Variants in CNOT2 observed in about 807,000 individuals in gnomAD.
The protein encoded by CNOT2 is CC chemokine receptor 4-negative regulator of transcription 2.
CNOT2 carries 7 observed loss-of-function variants against 72.1 expected under a neutral mutation model. That is an observed-to-expected ratio of 0.10 (90% CI 0.06 to 0.18). The LOEUF is 0.18. CNOT2 is among the 10% of genes least tolerant of loss of function. The pLI is 1.00. For missense variants in CNOT2, 345 were observed against 660.3 expected, an observed-to-expected ratio of 0.52 and a Z score of 5.23; for synonymous variants, 196 against 225.6, an observed-to-expected ratio of 0.87 and a Z score of 1.17.
At chr12:70,318,060 CTG>C (rs1015266041) in intron 3 of CNOT2, among the ~76,000 whole-genome samples, 2 of 151,906 alleles carry the variant, frequency 1.3e-5, no homozygotes, top group African/African-American at 2.4e-5. Context: ...CATAAAATAA[CTG>C]TTACTTCTAC....
At position 70,332,641 on chromosome 12, in the gene CNOT2, A is replaced by G. The variant is rs547802223; in HGVS notation, c.570-126A>G. ...GATAAAGAATAGATTCAGAAAAATA[A>G]TATTAGTGTTGGTTTTGAAACATAT... On this transcript the variant is annotated intron_variant, in intron 6 of 15. Coordinates refer to ENST00000229195, the MANE Select transcript of CNOT2 (RefSeq NM_014515.7). The G allele has an allele frequency of 4.0e-6, 5 of 1,245,764 alleles. No homozygotes were observed. The South Asian group carries it at 1.3e-4, about 32-fold the overall frequency. 77.2% of individuals were successfully genotyped at this position (1,245,764 alleles called of 1,614,324 possible).
intron 2 of CNOT2, among the ~76,000 whole-genome samples, chr12:70,281,636 T>C (rs1254876893): frequency 1.3e-5 from 2 of 152,166 alleles, no homozygotes; most frequent in Admixed American, 6.5e-5. Context: ...AAGAATTAAG[T>C]ATCAGTTTTT....
intron 2 of CNOT2, among the ~76,000 whole-genome samples, chr12:70,308,350 A>G (rs1875802965): frequency 1.3e-5 from 2 of 152,070 alleles, no homozygotes; most frequent in East Asian, 1.9e-4. Flanking sequence ...ACCAGCACCC[A>G]TCTCTGGATG....
At position 70,342,113 on chromosome 12, in the gene CNOT2, C is replaced by G; in HGVS notation, c.1185C>G (p.Leu395=). ...LGLNLNSPEN[L]YPKFASPWAS... is the part of the protein sequence containing the mutation. ...TCTTTTCCTCCTTATTCAGAAATCT[C>G]TACCCCAAATTTGCGTCACCCTGGG... The change falls in exon 12 of 16, where the codon CTC becomes CTG. Residue 395 remains leucine (L), a synonymous_variant. Coordinates refer to ENST00000229195, the MANE Select transcript of CNOT2 (RefSeq NM_014515.7). The G allele has an allele frequency of 6.3e-7, 1 of 1,582,000 alleles. No homozygotes were observed. The highest frequency in any genetic ancestry group is 8.7e-7 in the Non-Finnish European group (1 of 1,150,816).
intron 1 of CNOT2, among the ~76,000 whole-genome samples, chr12:70,272,527 CTTACTCTT>C (rs1289631871): frequency 6.6e-6 from 1 of 152,152 alleles, no homozygotes; most frequent in Non-Finnish European, 1.5e-5. Context: ...CACTTCTTTT[CTTACTCTT>C]TGTTTTCTTA....
At chr12:70,283,371 A>G (rs1870210470) in intron 2 of CNOT2, among the ~76,000 whole-genome samples, 1 of 152,058 alleles carries the variant, frequency 6.6e-6, no homozygotes, top group Non-Finnish European at 1.5e-5. Context: ...GAGGCGGGAG[A>G]TTAGCTTGAG....
intron 2 of CNOT2, among the ~76,000 whole-genome samples, chr12:70,284,576 C>CT (rs34386691): frequency 0.016 from 1,554 of 95,000 alleles, 12 homozygotes; most frequent in African/African-American, 0.031. Context: ...AAAATTTGAC[C>CT]TTTTTTTTTT....
intron 15 of CNOT2, chr12:70,347,571 T>A (rs2136084399): frequency 6.6e-6 from 1 of 151,508 alleles, no homozygotes; most frequent in South Asian, 2.1e-4. Context: ...AGGCGGAGCT[T>A]GCAGTGAGCC....
chr12:70,266,796 A>G (rs917260900), intron 1 of CNOT2, among the ~76,000 whole-genome samples: 17 of 142,602 alleles, frequency 1.2e-4, no homozygotes, highest in Admixed American at 7.6e-4. Flanking sequence ...TTTGCATGGT[A>G]TATCTTTTTT....
At chr12:70,334,995 T>C (rs917751495) in intron 7 of CNOT2, 1 of 155,598 alleles carries the variant, frequency 6.4e-6, no homozygotes, top group Non-Finnish European at 1.4e-5. Context: ...GCTATATCTT[T>C]CTGGCCATTT....
At chr12:70,290,873 T>C (rs1871771407) in intron 2 of CNOT2, 1 of 152,144 alleles carries the variant, frequency 6.6e-6, no homozygotes, top group African/African-American at 2.4e-5. Context: ...ATGAAAACCA[T>C]CCCTGATAAA....
intron 15 of CNOT2, among the ~76,000 whole-genome samples, chr12:70,352,778 A>G (rs923358968): frequency 6.6e-6 from 1 of 152,162 alleles, no homozygotes; most frequent in East Asian, 1.9e-4. Flanking sequence ...ATACATAGCT[A>G]TTCTGCATCT....
intron 1 of CNOT2, among the ~76,000 whole-genome samples, chr12:70,245,138 T>C (rs753176738): frequency 6.6e-6 from 1 of 152,244 alleles, no homozygotes; most frequent in African/African-American, 2.4e-5. Flanking sequence ...AGTGTCTATA[T>C]TCACATCCCA....
rs574966890 is a variant in CNOT2, at chr12:70,294,129, G to A, written c.48+15855G>A. On this transcript the variant is annotated intron_variant, in intron 2 of 15. Coordinates refer to ENST00000229195, the MANE Select transcript of CNOT2 (RefSeq NM_014515.7). ...TTGGACTTTCTTACTGTTTGCTGGA[G>A]TTGAACTTCAGAGCTATGGCGTCAA... The A allele has an allele frequency of 5.4e-6, 7 of 1,289,204 alleles. No individual in the cohort carries two copies. The South Asian group carries it at 8.6e-5, about 16-fold the overall frequency. 79.9% of individuals were successfully genotyped at this position (1,289,204 alleles called of 1,614,324 possible). A position where few individuals can be genotyped will look rare whatever the true frequency, so the allele number is the denominator to read the frequency against.
At chr12:70,325,754 T>C (rs1191340610) in intron 4 of CNOT2, among the ~76,000 whole-genome samples, 1 of 151,830 alleles carries the variant, frequency 6.6e-6, no homozygotes, top group African/African-American at 2.4e-5. Flanking sequence ...GGCATGCCAG[T>C]GAGTTCCTAG....
At chr12:70,325,557 A>C (rs1878958365) in intron 4 of CNOT2, among the ~76,000 whole-genome samples, 2 of 151,882 alleles carry the variant, frequency 1.3e-5, no homozygotes, top group African/African-American at 4.8e-5. Context: ...CCTAGTGTGA[A>C]TTCTTTATCT....
chr12:70,243,650 A>G (rs1034059104), intron 1 of CNOT2, 170 bp downstream of exon 1: 32 of 143,202 alleles, frequency 2.2e-4, no homozygotes, highest in African/African-American at 7.5e-4. Flanking sequence ...CTCGGCTCCA[A>G]TCGAGAGACG....
chr12:70,317,415 T>C (rs931098323), intron 3 of CNOT2, among the ~76,000 whole-genome samples: 1 of 152,014 alleles, frequency 6.6e-6, no homozygotes, highest in Non-Finnish European at 1.5e-5. Context: ...ACTTTTAATA[T>C]ACCTACAAAA....
intron 1 of CNOT2, among the ~76,000 whole-genome samples, chr12:70,262,119 G>C (rs959788964): frequency 6.6e-6 from 1 of 151,308 alleles, no homozygotes; most frequent in Non-Finnish European, 1.5e-5. Context: ...GGTCAGTTTA[G>C]CTCAAAGTTT....
Sources: allele counts gnomAD v4.1 joint callset (sites outside exome capture counted in the v4.1 genomes callset), GRCh38; gene constraint gnomAD v4.1.1; transcripts MANE v1.5; gene names NCBI Gene and HGNC (gene_info 2026-07-23, HGNC 2026-07-21).